DLC1: variants seen among roughly 807,000 people sequenced by gnomAD.
DLC1 encodes the protein rho GTPase-activating protein 7.
In DLC1, 54 loss-of-function variants were observed where a neutral mutation model predicts 140.3. The ratio of observed to expected loss-of-function variants is 0.38; its 90% confidence interval spans 0.31 to 0.48. The LOEUF (loss-of-function observed/expected upper bound fraction) is 0.48. Among genes scored for constraint, DLC1 ranks in the 20% least tolerant of loss-of-function variants. DLC1 has a pLI of 0.96. For missense variants in DLC1, 2,536 were observed against 1,907.0 expected (o/e 1.33, Z -6.14); for synonymous variants, 986 against 728.1 (o/e 1.35, Z -5.70).
chr8:13,261,841 A>G (rs1211709322), intron 5 of DLC1, among the ~76,000 whole-genome samples: 1 of 152,238 alleles, frequency 6.6e-6, no homozygotes, highest in African/African-American at 2.4e-5. Context: ...AGATACTTAA[A>G]CTTTCAGGAC....
upstream of DLC1, among the ~76,000 whole-genome samples, chr8:13,515,139 A>G (rs1344289255): frequency 6.6e-6 from 1 of 152,232 alleles, no homozygotes; most frequent in Non-Finnish European, 1.5e-5. Context: ...TTTTCTCTCT[A>G]TCCACAACCT....
In DLC1 at chr8:13,340,210, AT is replaced by A. The variant is rs904334090; in HGVS notation, c.1315-34909del. ...AGGCTTGGTTTCATTTTTTATTTTT[AT>A]TTTTTTTGAGATGGAATCTCACTCT... On this transcript the variant is annotated intron_variant, in intron 4 of 17. Transcript: ENST00000276297. 7.6e-4 allele frequency: 115 copies of A among 151,832 alleles called. 1 individual carries two copies. The highest frequency in any genetic ancestry group is 4.6e-4 in the Non-Finnish European group (31 of 67,942). The allele number at this position is 151,832 out of a possible 1,614,324, so 9.4% of individuals were successfully genotyped here. A position where few individuals can be genotyped will look rare whatever the true frequency, so the allele number is the denominator to read the frequency against.
intron 2 of DLC1, among the ~76,000 whole-genome samples, chr8:13,494,080 A>T (rs1403573013): frequency 6.6e-6 from 1 of 152,214 alleles, no homozygotes; most frequent in Non-Finnish European, 1.5e-5. Flanking sequence ...ATCACTTAAT[A>T]TATCAAATAG....
intron 5 of DLC1, among the ~76,000 whole-genome samples, chr8:13,147,053 T>C (rs1215614846): frequency 6.6e-6 from 1 of 152,222 alleles, no homozygotes; most frequent in Non-Finnish European, 1.5e-5. Flanking sequence ...TATATATATT[T>C]TTCTTCATTT....
chr8:13,241,459 T>C (rs760952278), intron 5 of DLC1, among the ~76,000 whole-genome samples: 1 of 152,142 alleles, frequency 6.6e-6, no homozygotes, highest in African/African-American at 2.4e-5. Flanking sequence ...TGGTTTTCCA[T>C]CCCCCTTATA....
chr8:13,184,460 T>C (rs4367541), intron 5 of DLC1, among the ~76,000 whole-genome samples: 90,827 of 152,052 alleles, frequency 0.6, 27,655 homozygotes, highest in East Asian at 0.86. Context: ...CCCTCTACAC[T>C]CTGCTTTAAA....
chr8:13,448,167 G>A (rs1312991808), intron 2 of DLC1, among the ~76,000 whole-genome samples: 1 of 152,046 alleles, frequency 6.6e-6, no homozygotes, highest in African/African-American at 2.4e-5. Context: ...CGTCTCTCCA[G>A]GTGACTCACT....
chr8:13,524,847 C>T (rs56940026), intron 1 of DLC1, among the ~76,000 whole-genome samples: 7,879 of 152,176 alleles, frequency 0.052, 309 homozygotes, highest in African/African-American at 0.098. Flanking sequence ...AGTTAACTGA[C>T]ACAATAAACT....
At position 13,443,612 on chromosome 8, in the gene DLC1, C is replaced by G. The variant is rs576982482; in HGVS notation, c.1024-41993G>C. Among the ~76,000 whole-genome samples the G allele has an allele frequency of 1.2e-4, 18 of 146,630 alleles. 1 individual carries two copies. In the South Asian group the frequency reaches 3.4e-3, roughly 28 times the overall value. ...GGCGGAGCTTGCAGTGAGCCAAGATCGCGCCACTGCACTCCAGCCTAGGCA... is the reference window on the plus strand; with the variant it reads ...GGCGGAGCTTGCAGTGAGCCAAGATGGCGCCACTGCACTCCAGCCTAGGCA... On this transcript the variant is annotated intron_variant, in intron 2 of 17. Transcript: ENST00000276297.
At chr8:13,117,780 C>G (rs907700452) in intron 5 of DLC1, among the ~76,000 whole-genome samples, 12 of 152,300 alleles carry the variant, frequency 7.9e-5, no homozygotes, top group African/African-American at 2.6e-4. Context: ...AGCCCACATA[C>G]AAAAGCCTTA....
At chr8:13,349,784 A>T (rs1834549370) in intron 4 of DLC1, among the ~76,000 whole-genome samples, 1 of 152,236 alleles carries the variant, frequency 6.6e-6, no homozygotes, top group Admixed American at 6.5e-5. Context: ...AGATTAGGCA[A>T]CAGGAAGGAG....
chr8:13,087,181 G>A (rs1436614328), intron 16 of DLC1, among the ~76,000 whole-genome samples: 2 of 151,892 alleles, frequency 1.3e-5, no homozygotes, highest in Admixed American at 6.6e-5. Context: ...TAGGAGGATC[G>A]CTTGAGCCCA....
At chr8:13,551,271 A>G (rs1803840075) in intron 1 of DLC1, among the ~76,000 whole-genome samples, 1 of 152,106 alleles carries the variant, frequency 6.6e-6, no homozygotes, top group Non-Finnish European at 1.5e-5. Flanking sequence ...TCTAGCATGC[A>G]TTGTTCTAAA....
At chr8:13,405,872 C>A (rs1008960136) in intron 2 of DLC1, among the ~76,000 whole-genome samples, 21 of 121,474 alleles carry the variant, frequency 1.7e-4, no homozygotes, top group African/African-American at 6.0e-4. Context: ...CTTTTCTTTT[C>A]TTTTTTCTTT....
chr8:13,276,563 C>A (rs1349453086), intron 5 of DLC1: 3 of 1,273,018 alleles, frequency 2.4e-6, no homozygotes, highest in East Asian at 3.2e-5. Context: ...GGCCTCCTGG[C>A]CCGCGGCCAA....
intron 2 of DLC1, among the ~76,000 whole-genome samples, chr8:13,438,091 T>C (rs1418458796): frequency 6.6e-6 from 1 of 152,094 alleles, no homozygotes; most frequent in Non-Finnish European, 1.5e-5. Context: ...TTTCAATACT[T>C]TTCTCTAAAG....
intron 5 of DLC1, among the ~76,000 whole-genome samples, chr8:13,202,386 T>G: frequency 6.6e-6 from 1 of 152,198 alleles, no homozygotes; most frequent in Middle Eastern, 3.2e-3. Context: ...AATTGACATA[T>G]CCATCACCTC....
intron 5 of DLC1, among the ~76,000 whole-genome samples, chr8:13,185,340 C>T (rs1287249820): frequency 1.3e-5 from 2 of 149,922 alleles, no homozygotes; most frequent in East Asian, 2.0e-4. Flanking sequence ...TGGAGTCTCA[C>T]TCTGTAGCCC....
chr8:13,393,745 G>A (rs770786686), intron 3 of DLC1, 52 bp from the exon 4 acceptor site: 10 of 1,571,232 alleles, frequency 6.4e-6, no homozygotes, highest in Admixed American at 1.8e-5. Context: ...GTTCCCAAAT[G>A]CCCTTCTTCC....
Sources: gnomAD v4.1 joint callset for allele counts (sites outside exome capture counted in the v4.1 genomes callset) on GRCh38, gnomAD v4.1.1 for gene constraint, MANE v1.5 for transcripts, NCBI Gene and HGNC (gene_info 2026-07-23, HGNC 2026-07-21) for gene names.